The following MCAM variants were observed in gnomAD, a reference collection of about 807,000 sequenced individuals.
MCAM encodes melanoma cell adhesion molecule, also known as cell surface glycoprotein MUC18.
Under a neutral mutation model 79.1 loss-of-function variants are expected in MCAM, and 55 were observed. The ratio of observed to expected loss-of-function variants is 0.70; its 90% CI spans 0.56 to 0.87. MCAM has a LOEUF of 0.87. MCAM is among the 40% of genes least tolerant of loss of function. The probability of loss-of-function intolerance (pLI) is 0.00; values close to 1 mark genes in which losing one functional copy is unlikely to be tolerated. For missense variants in MCAM, 745 were observed against 839.8 expected, an observed-to-expected ratio of 0.89 and a Z score of 1.40; for synonymous variants, 330 against 339.8, an observed-to-expected ratio of 0.97 and a Z score of 0.32.
At chr11:119,310,255 C>T in intron 15 of MCAM, 94 bp downstream of exon 15, 1 of 879,680 alleles carries the variant, frequency 1.1e-6, no homozygotes, top group Non-Finnish European at 1.9e-6. Context: ...CTATCTCTGA[C>T]AAAGAGGGAT....
intron 5 of MCAM, 160 bp from the exon 6 acceptor site, chr11:119,313,109 T>C: frequency 6.5e-7 from 1 of 1,536,624 alleles, no homozygotes; most frequent in Non-Finnish European, 8.7e-7. Flanking sequence ...AACCCAGCAC[T>C]TTTACTGCTC....
In MCAM at chr11:119,312,155, C is replaced by T. The variant is rs774715305; in HGVS notation, c.1040G>A (p.Arg347Gln). Residue 347 changes from arginine to glutamine, a missense_variant, in exon 9 of 16, where the codon CGA becomes CAA. Coordinates refer to ENST00000264036, the MANE Select transcript of MCAM (RefSeq NM_006500.3). The surrounding 1 kb of genome is among the most constrained non-coding windows in gnomAD (Gnocchi z 4.9). ...ELLVNYVSDV[R>Q]VSPAAPERQE... Reference sequence around the variant, plus strand: ...TCTCTCAGGGGCTGCGGGACTCACTCGGACGTCAGACACATCTGGGGGTAC... The same window carrying T: ...TCTCTCAGGGGCTGCGGGACTCACTTGGACGTCAGACACATCTGGGGGTAC... 3.6e-5 allele frequency: 58 copies of T among 1,612,612 alleles called. No homozygotes were observed. The highest frequency in any genetic ancestry group is 2.1e-4 in the South Asian group (19 of 90,838).
chr11:119,315,359 T>C lies in MCAM; in HGVS notation c.68-96A>G. 6.8e-7 allele frequency: 1 copy of C among 1,466,476 alleles called. No individual in the cohort carries two copies. 90.8% of individuals were successfully genotyped at this position (1,466,476 alleles called of 1,614,324 possible). On this transcript the variant is annotated intron_variant, in intron 1 of 15. Transcript: ENST00000264036. This position sits in a 1 kb window ranked among gnomAD's most constrained non-coding sequence, Gnocchi z 4.4. ...CTGCTGCAGCTGTTTTTCCTGCCAC[T>C]CAGAGGGTCTGCAGAGGGCCCTGTC... is the stretch of plus-strand genomic sequence containing the variant.
rs768060089 is a variant in MCAM at position 119,311,778 on chromosome 11, C to A, written c.1285+30G>T. 3 of 1,612,824 alleles carry A rather than the reference C, an allele frequency of 1.9e-6. No homozygotes were observed. The South Asian group carries it at 3.3e-5, about 18-fold the overall frequency. ...TTAAAAACCACCCCACTTGGGGTGACCTGGTCTCTACCCAGAGGGAGGGCC... is the reference window on the plus strand; with the variant it reads ...TTAAAAACCACCCCACTTGGGGTGAACTGGTCTCTACCCAGAGGGAGGGCC... On this transcript the variant is annotated intron_variant, in intron 10 of 15. Coordinates refer to ENST00000264036, the MANE Select transcript of MCAM (RefSeq NM_006500.3). This position sits in a 1 kb window ranked among gnomAD's most constrained non-coding sequence, Gnocchi z 4.4.
At position 119,314,490 on chromosome 11, in the gene MCAM, G is replaced by A; in HGVS notation, c.558C>T (p.Asn186=). The stretch of plus-strand genomic sequence containing the variant: ...CTTTTGGGAGAAAGGGCTACTCACG[G>A]TTCTTCTCCTCCTTCAGAGGCCGGC... ...KNGRPLKEEK[N]RVHIQSSQTV... The change falls in exon 5 of 16, where the codon AAC becomes AAT. Residue 186 remains asparagine, a splice_region_variant and synonymous_variant. Transcript: ENST00000264036. 6.2e-7 allele frequency: 1 copy of A among 1,613,516 alleles called. No homozygotes were observed. The highest frequency in any genetic ancestry group is 8.5e-7 in the Non-Finnish European group (1 of 1,179,724).
rs202027486 is a variant in MCAM at position 119,311,575 on chromosome 11, C to G, written c.1362G>C (p.Ala454=). The change falls in exon 11 of 16, where the codon GCG becomes GCC. Residue 454 remains alanine (A), a synonymous_variant. Transcript: ENST00000264036. This position sits in a 1 kb window ranked among gnomAD's most constrained non-coding sequence, Gnocchi z 4.4. ...AGATGGTGGGCCGGGGGTGCCCTGA[C>G]GCTTCACAAGACAGATTCAACACCA... ...ENMVLNLSCE[A]SGHPRPTISW... is the part of the protein sequence containing the mutation. 48 of 1,613,998 alleles carry G rather than the reference C, an allele frequency of 3.0e-5. No homozygotes were observed. The highest frequency in any genetic ancestry group is 3.9e-5 in the Non-Finnish European group (46 of 1,180,034).
In MCAM at chr11:119,311,173, G is replaced by T. The variant is rs2135337189; in HGVS notation, c.1562C>A (p.Thr521Asn). 1 of 1,614,172 alleles carries T rather than the reference G, an allele frequency of 6.2e-7. No homozygotes were observed. The highest frequency in any genetic ancestry group is 1.7e-4 in the Middle Eastern group (1 of 6,060). The part of the protein sequence containing the change: ...ILFLELVNLT[T>N]LTPDSNTTTG... ...GGTTGTGTTGGAGTCTGGTGTGAGG[G>T]TGGTTAAATTGACTAGGAGGCAGAG... is the stretch of plus-strand genomic sequence containing the variant. Residue 521 changes from threonine (T) to asparagine (N), a missense_variant, in exon 13 of 16, where the codon ACC (threonine) becomes AAC (asparagine). By Grantham distance (65) the Thr-to-Asn change is moderately conservative. Coordinates refer to ENST00000264036, the MANE Select transcript of MCAM (RefSeq NM_006500.3). The surrounding 1 kb of genome is among the most constrained non-coding windows in gnomAD (Gnocchi z 4.4).
Position 119,309,502 on chromosome 11 carries a change from C to CGT in MCAM, c.*383_*384insAC. 1 of 272,746 alleles carries CGT rather than the reference C, an allele frequency of 3.7e-6. No individual in the cohort carries two copies. The highest frequency in any genetic ancestry group is 7.1e-6 in the Non-Finnish European group (1 of 141,738). 16.9% of individuals were successfully genotyped at this position (272,746 alleles called of 1,614,324 possible). The stretch of plus-strand genomic sequence containing the variant: ...AGTGGTGCACCTGGATGGTGGAAGC[C>CGT]AGCCTTTGGGGCAGGAAACCAGCTC... On this transcript the variant is annotated 3_prime_UTR_variant, in exon 16 of 16. Transcript: ENST00000264036.
Position 119,310,742 on chromosome 11 carries a change from G to C in MCAM, c.1793+14C>G. 6.2e-7 allele frequency: 1 copy of C among 1,611,494 alleles called. No homozygotes were observed. The highest frequency in any genetic ancestry group is 8.5e-7 in the Non-Finnish European group (1 of 1,178,414). On this transcript the variant is annotated intron_variant, in intron 14 of 15. Coordinates refer to ENST00000264036, the MANE Select transcript of MCAM (RefSeq NM_006500.3). ...CAAAACGGGCGGGGGCGGAGGGGCC[G>C]GTGTTGGGCTTACATCTCCTGCTTC...
At position 119,309,449 on chromosome 11, in the gene MCAM, G is replaced by C. The variant is rs1950193374; in HGVS notation, c.*437C>G. The C allele has an allele frequency of 1.0e-5, 2 of 196,622 alleles. No individual in the cohort carries two copies. Among genetic ancestry groups the C allele is most frequent in the Non-Finnish European group, 2.1e-5 (2 of 94,688 alleles). The allele number at this position is 196,622 out of a possible 1,614,324, so 12.2% of individuals were successfully genotyped here. On this transcript the variant is annotated 3_prime_UTR_variant, in exon 16 of 16. Transcript: ENST00000264036. ...GAACAGCGCACTTCAACATGAGCAGGCGCCTGGCTCCGGTGTGTCCTCACT... is the reference window on the plus strand; with the variant it reads ...GAACAGCGCACTTCAACATGAGCAGCCGCCTGGCTCCGGTGTGTCCTCACT...
Position 119,312,724 on chromosome 11 carries a change from C to G in MCAM, c.739+46G>C. The G allele has an allele frequency of 1.2e-6, 2 of 1,613,156 alleles. No homozygotes were observed. Among genetic ancestry groups the G allele is most frequent in the Non-Finnish European group, 1.7e-6 (2 of 1,179,278 alleles). ...GATAAGGGGGAGCCAGCAGGAGTTT[C>G]CAGCAGCCCCAGCCCCAGTAAGCAG... On this transcript the variant is annotated intron_variant, in intron 6 of 15. Transcript: ENST00000264036. The surrounding 1 kb of genome is among the most constrained non-coding windows in gnomAD (Gnocchi z 4.9).
chr11:119,316,837 T>C lies in MCAM; in HGVS notation c.67+198A>G. The C allele has an allele frequency of 1.9e-6, 1 of 531,364 alleles. No homozygotes were observed. The highest frequency in any genetic ancestry group is 3.3e-6 in the Non-Finnish European group (1 of 300,714). The allele number at this position is 531,364 out of a possible 1,614,324, so 32.9% of individuals were successfully genotyped here. On this transcript the variant is annotated intron_variant, in intron 1 of 15. Coordinates refer to ENST00000264036, the MANE Select transcript of MCAM (RefSeq NM_006500.3). This position sits in a 1 kb window ranked among gnomAD's most constrained non-coding sequence, Gnocchi z 4.8. The stretch of plus-strand genomic sequence containing the variant: ...CGCCTTCCGAGTGCTGCTCCCGGGA[T>C]ACTCTAGAATCCCGGCTGCAAACTG...
intron 14 of MCAM, 139 bp from the exon 15 acceptor site, chr11:119,310,605 G>A (rs1177879227): frequency 9.3e-7 from 1 of 1,080,206 alleles, no homozygotes; most frequent in African/African-American, 1.6e-5. Flanking sequence ...ATGAGACCAT[G>A]TGGCTGATGG....
rs758803967 is a variant in MCAM at position 119,314,559 on chromosome 11, C to T, written c.489G>A (p.Gly163=). The change falls in exon 5 of 16, where the codon GGG becomes GGA. Residue 163 remains glycine (G), a synonymous_variant. Transcript: ENST00000264036. ...KEPEEVATCV[G]RNGYPIPQVI... is the part of the protein sequence containing the mutation. ...CTTGAGGAATGGGGTACCCGTTCCT[C>T]CCTACACAGGTAGCGACCTAAAGAG... 1 of 1,613,948 alleles carries T rather than the reference C, an allele frequency of 6.2e-7. No individual in the cohort carries two copies. The highest frequency in any genetic ancestry group is 1.1e-5 in the South Asian group (1 of 91,080).
chr11:119,314,135 G>T, intron 5 of MCAM: 1 of 662,748 alleles, frequency 1.5e-6, no homozygotes, highest in Non-Finnish European at 1.9e-6. Context: ...AAAATATAAG[G>T]CAGTTCCTGT....
rs941154041 is a variant in MCAM, at chr11:119,308,974, T to A, written c.*912A>T. The A allele has an allele frequency of 6.6e-6, 1 of 152,174 alleles. No homozygotes were observed. The highest frequency in any genetic ancestry group is 6.5e-5 in the Admixed American group (1 of 15,278). 9.4% of individuals were successfully genotyped at this position (152,174 alleles called of 1,614,324 possible). A position where few individuals can be genotyped will look rare whatever the true frequency, so the allele number is the denominator to read the frequency against. ...CTTCCTCACCGCAGGCACGTATCTT[T>A]TCTTTTTTTTTCCTCGAGACGGAGT... On this transcript the variant is annotated 3_prime_UTR_variant, in exon 16 of 16. Transcript: ENST00000264036.
At position 119,311,652 on chromosome 11, in the gene MCAM, C is replaced by G. The variant is rs768657919; in HGVS notation, c.1286-1G>C. 6 of 1,613,910 alleles carry G rather than the reference C, an allele frequency of 3.7e-6. No homozygotes were observed. On this transcript the variant is annotated splice_acceptor_variant, in intron 10 of 15. Transcript: ENST00000264036. LOFTEE classifies it high-confidence loss of function. The surrounding 1 kb of genome is among the most constrained non-coding windows in gnomAD (Gnocchi z 4.4). ...TCCTTGAATGCCATCCAAGGGGGGC[C>G]TTGGGGAGGTAGGGAGAGGTGAGGT...
intron 5 of MCAM, chr11:119,313,395 AAT>A: frequency 1.8e-6 from 2 of 1,089,148 alleles, no homozygotes; most frequent in Non-Finnish European, 2.3e-6. Flanking sequence ...CACTACTGAT[AAT>A]TTTTTTTTTT....
Position 119,315,121 on chromosome 11 carries a change from A to C in MCAM, c.192+18T>G. The C allele has an allele frequency of 6.2e-7, 1 of 1,613,238 alleles. No individual in the cohort carries two copies. The highest frequency in any genetic ancestry group is 8.5e-7 in the Non-Finnish European group (1 of 1,179,988). On this transcript the variant is annotated intron_variant, in intron 2 of 15. Transcript: ENST00000264036. The surrounding 1 kb of genome is among the most constrained non-coding windows in gnomAD (Gnocchi z 4.4). The stretch of plus-strand genomic sequence containing the variant: ...GTCTCCCTCCCCGGGCTGCTCTTGC[A>C]GGAGCCCAAGCACTCACAGAAAACC...
Sources: allele counts gnomAD v4.1 joint callset, GRCh38; gene constraint gnomAD v4.1.1; non-coding constraint Gnocchi (gnomAD v3.1); transcripts MANE v1.5; gene names NCBI Gene and HGNC (gene_info 2026-07-23, HGNC 2026-07-21).